Variants in JAM3 observed in about 807,000 individuals in gnomAD.
The protein encoded by JAM3 is junctional adhesion molecule C.
JAM3 carries 31 observed loss-of-function variants against 39.4 expected under a neutral mutation model. That is an observed-to-expected ratio of 0.79 (90% CI 0.59 to 1.06). The LOEUF (loss-of-function observed/expected upper bound fraction) is 1.06, where lower values mean the gene tolerates loss of function less well. Ranked by LOEUF, JAM3 falls within the 50% of genes least tolerant of loss-of-function variation. The pLI is 0.00. For missense variants in JAM3, 455 were observed against 391.4 expected, an observed-to-expected ratio of 1.16 and a Z score of -1.37; for synonymous variants, 182 against 148.7, an observed-to-expected ratio of 1.22 and a Z score of -1.63.
intron 1 of JAM3, among the ~76,000 whole-genome samples, chr11:134,117,022 G>A (rs1942447859): frequency 6.6e-6 from 1 of 151,552 alleles, no homozygotes; most frequent in Admixed American, 6.6e-5. Context: ...CACCATATTG[G>A]AGGTTCTAGC....
chr11:134,078,974 G>A (rs889505375), intron 1 of JAM3, among the ~76,000 whole-genome samples: 2 of 152,190 alleles, frequency 1.3e-5, no homozygotes, highest in African/African-American at 4.8e-5. Context: ...GGGAGGTGGA[G>A]GTTGTGGTGA....
intron 1 of JAM3, among the ~76,000 whole-genome samples, chr11:134,098,418 C>T (rs756322122): frequency 1.4e-4 from 21 of 152,088 alleles, no homozygotes; most frequent in Non-Finnish European, 2.1e-4. Flanking sequence ...AGAAAGTTCA[C>T]GTGAGATAAT....
chr11:134,134,567 T>G (rs1942829558), intron 1 of JAM3, among the ~76,000 whole-genome samples: 1 of 152,202 alleles, frequency 6.6e-6, no homozygotes, highest in African/African-American at 2.4e-5. Context: ...ATTCTGTGTT[T>G]AACTTTTCAA....
At chr11:134,080,944 G>A (rs1462519077) in intron 1 of JAM3, among the ~76,000 whole-genome samples, 1 of 152,190 alleles carries the variant, frequency 6.6e-6, no homozygotes, top group Admixed American at 6.5e-5. Context: ...GGCTGGGGTG[G>A]TCTCAGATGG....
chr11:134,119,869 A>G (rs758054004), intron 1 of JAM3, among the ~76,000 whole-genome samples: 9 of 152,176 alleles, frequency 5.9e-5, no homozygotes, highest in East Asian at 3.8e-4. Flanking sequence ...TTCATTTTCA[A>G]TGGTCTGTTT....
At chr11:134,072,954 A>G (rs1286213518) in intron 1 of JAM3, among the ~76,000 whole-genome samples, 1 of 152,230 alleles carries the variant, frequency 6.6e-6, no homozygotes, top group South Asian at 2.1e-4. Context: ...TGTGAATGTT[A>G]TGCTGTCAAA....
intron 1 of JAM3, among the ~76,000 whole-genome samples, chr11:134,109,426 A>G (rs956960395): frequency 6.6e-6 from 1 of 152,352 alleles, no homozygotes; most frequent in South Asian, 2.1e-4. Context: ...TACAATCCAA[A>G]GGCCAAATAT....
chr11:134,076,671 A>G (rs1445702844), intron 1 of JAM3, among the ~76,000 whole-genome samples: 12 of 151,952 alleles, frequency 7.9e-5, no homozygotes, highest in Admixed American at 2.0e-4. Context: ...TCTTTTTTCT[A>G]TTGGTGTGCA....
rs1467449226 is a variant in JAM3 at position 134,144,500 on chromosome 11, G to A, written c.409+107G>A. The A allele has an allele frequency of 3.0e-6, 4 of 1,341,332 alleles. No individual in the cohort carries two copies. In the African/African-American group the frequency reaches 5.7e-5, roughly 19 times the overall value. 83.1% of individuals were successfully genotyped at this position (1,341,332 alleles called of 1,614,324 possible). A position where few individuals can be genotyped will look rare whatever the true frequency, so the allele number is the denominator to read the frequency against. ...ACTGTATCCCTGAGGGCTTCACATG[G>A]CTTAGGGAGGGGAGAACTGTTGAGA... On this transcript the variant is annotated intron_variant, in intron 4 of 8. Transcript: ENST00000299106.
intron 1 of JAM3, among the ~76,000 whole-genome samples, chr11:134,092,898 CCTT>C (rs1336603812): frequency 6.7e-6 from 1 of 148,714 alleles, no homozygotes; most frequent in Non-Finnish European, 1.5e-5. Flanking sequence ...CCTGAACCCT[CCTT>C]ATTCATCATG....
intron 1 of JAM3, among the ~76,000 whole-genome samples, chr11:134,120,028 C>T (rs1942504190): frequency 1.3e-5 from 2 of 152,058 alleles, no homozygotes; most frequent in South Asian, 4.1e-4. Context: ...GATATGTGTT[C>T]TTTATCCACC....
intron 1 of JAM3, among the ~76,000 whole-genome samples, chr11:134,121,410 G>A (rs470500): frequency 0.39 from 59,936 of 151,768 alleles, 12,863 homozygotes; most frequent in African/African-American, 0.58. Context: ...GCCATTGTGA[G>A]CAGAAGCGAG....
Position 134,123,772 on chromosome 11 carries a change from A to G in JAM3, c.77-16079A>G. On this transcript the variant is annotated intron_variant, in intron 1 of 8. Transcript: ENST00000299106. The stretch of plus-strand genomic sequence containing the variant: ...TTCCAGATTCACATTTCCAGGTACC[A>G]AGGGTTCCCTCTAAATGCCACAATC... The G allele has an allele frequency of 4.4e-6, 3 of 688,210 alleles. No individual in the cohort carries two copies. In the East Asian group the frequency reaches 7.8e-5, roughly 18 times the overall value. The allele number at this position is 688,210 out of a possible 1,614,324, so 42.6% of individuals were successfully genotyped here. A position where few individuals can be genotyped will look rare whatever the true frequency, so the allele number is the denominator to read the frequency against.
chr11:134,106,881 G>T (rs920582447), intron 1 of JAM3, among the ~76,000 whole-genome samples: 1 of 152,076 alleles, frequency 6.6e-6, no homozygotes, highest in Non-Finnish European at 1.5e-5. Flanking sequence ...TACACTGTTG[G>T]TGGGACTGTA....
intron 1 of JAM3, among the ~76,000 whole-genome samples, chr11:134,110,181 G>A (rs543559589): frequency 4.4e-4 from 67 of 152,012 alleles, no homozygotes; most frequent in Non-Finnish European, 7.2e-4. Flanking sequence ...TGTTGGTGAG[G>A]GTATCAAAAA....
At chr11:134,140,885 G>GTTTT in intron 3 of JAM3, 115 bp downstream of exon 3, 3 of 995,930 alleles carry the variant, frequency 3.0e-6, no homozygotes, top group East Asian at 3.6e-5. Flanking sequence ...AGCTAGGACC[G>GTTTT]TTTTTTTTTT....
intron 1 of JAM3, among the ~76,000 whole-genome samples, chr11:134,112,378 G>T (rs554590086): frequency 1.1e-4 from 16 of 152,172 alleles, no homozygotes; most frequent in African/African-American, 3.6e-4. Context: ...GTGAGACACC[G>T]CACCCAGCCA....
rs192379819 is a variant in JAM3 at position 134,107,042 on chromosome 11, T to C, written c.77-32809T>C. 8.9e-3 allele frequency among the ~76,000 whole-genome samples: 1,362 copies of C among 152,336 alleles called. 28 individuals carry two copies. The highest frequency in any genetic ancestry group is 0.031 in the African/African-American group (1,305 of 41,550). On this transcript the variant is annotated intron_variant, in intron 1 of 8. Coordinates refer to ENST00000299106, the MANE Select transcript of JAM3 (RefSeq NM_032801.5). ...AAAGACACATGCACACGTATGTGTA[T>C]TGTGGCACTATTCACAATAGCAAAG...
chr11:134,123,510 A>G (rs1384975111), intron 1 of JAM3, among the ~76,000 whole-genome samples: 3 of 152,184 alleles, frequency 2.0e-5, no homozygotes, highest in African/African-American at 4.8e-5. Flanking sequence ...TTAGAGACCT[A>G]TTTTGAAAAA....
Sources: gnomAD v4.1 joint callset for allele counts (sites outside exome capture counted in the v4.1 genomes callset) on GRCh38, gnomAD v4.1.1 for gene constraint, MANE v1.5 for transcripts, NCBI Gene and HGNC (gene_info 2026-07-23, HGNC 2026-07-21) for gene names.